The following UBAP1 variants were observed in gnomAD, a reference collection of about 807,000 sequenced individuals.
UBAP1 encodes the protein ubiquitin associated protein 1.
Under a neutral mutation model 39.0 loss-of-function variants are expected in UBAP1, and 5 were observed. The observed-to-expected ratio is 0.13, with a 90% CI of 0.07 to 0.27. The LOEUF (loss-of-function observed/expected upper bound fraction) is 0.27. UBAP1 is among the 10% of genes least tolerant of loss of function. The pLI is 1.00. For synonymous variants in UBAP1, 211 were observed against 225.1 expected, an observed-to-expected ratio of 0.94 and a Z score of 0.56; for missense variants, 490 against 608.1, an observed-to-expected ratio of 0.81 and a Z score of 2.04.
At chr9:34,212,845 T>TCCC (rs2131558393) in intron 1 of UBAP1, among the ~76,000 whole-genome samples, 2 of 152,262 alleles carry the variant, frequency 1.3e-5, no homozygotes, top group African/African-American at 4.8e-5. Flanking sequence ...CATGCCTAAT[T>TCCC]CATTGTATAA....
chr9:34,180,612 T>A (rs1829963869), intron 1 of UBAP1, among the ~76,000 whole-genome samples: 1 of 152,174 alleles, frequency 6.6e-6, no homozygotes, highest in South Asian at 2.1e-4. Flanking sequence ...GAAATTTTAT[T>A]AAATTTTTGT....
intron 1 of UBAP1, among the ~76,000 whole-genome samples, chr9:34,217,235 A>G (rs1000615995): frequency 2.0e-5 from 3 of 152,140 alleles, no homozygotes; most frequent in Middle Eastern, 3.4e-3. Flanking sequence ...GGCAGATAGC[A>G]TAGGTGATTG....
intron 1 of UBAP1, among the ~76,000 whole-genome samples, chr9:34,185,720 C>T (rs1260612638): frequency 1.3e-5 from 2 of 152,046 alleles, no homozygotes; most frequent in African/African-American, 4.8e-5. Flanking sequence ...GTGGCAGGTG[C>T]CTGTAATCCC....
chr9:34,223,537 C>T (rs1832874334), intron 2 of UBAP1, among the ~76,000 whole-genome samples: 1 of 152,196 alleles, frequency 6.6e-6, no homozygotes, highest in Admixed American at 6.5e-5. Context: ...TCACTGCAAG[C>T]TCTGCCTCCT....
At chr9:34,185,967 A>G (rs984509112) in intron 1 of UBAP1, among the ~76,000 whole-genome samples, 1 of 152,236 alleles carries the variant, frequency 6.6e-6, no homozygotes, top group Non-Finnish European at 1.5e-5. Flanking sequence ...GTGTAACTTA[A>G]CTAAGGTTAC....
intron 1 of UBAP1, among the ~76,000 whole-genome samples, chr9:34,207,546 TCTTTCAGTACAGGTTTAGTTTTC>T (rs1363119885): frequency 6.6e-6 from 1 of 152,022 alleles, no homozygotes; most frequent in Non-Finnish European, 1.5e-5. Context: ...TTCTTTTGTG[TCTTTCAGTACAGGTTTAGTTTTC>T]TCCCTTTATG....
At chr9:34,185,250 CATA>C in intron 1 of UBAP1, among the ~76,000 whole-genome samples, 1 of 152,236 alleles carries the variant, frequency 6.6e-6, no homozygotes, top group South Asian at 2.1e-4. Flanking sequence ...AAACACTTTA[CATA>C]ATCTCAGTTC....
chr9:34,217,664 T>G (rs941274877), intron 1 of UBAP1, among the ~76,000 whole-genome samples: 1 of 151,608 alleles, frequency 6.6e-6, no homozygotes, highest in East Asian at 1.9e-4. Flanking sequence ...TGAGATAAAC[T>G]TTTTTATATT....
At chr9:34,204,863 A>G (rs1381089028) in intron 1 of UBAP1, among the ~76,000 whole-genome samples, 3 of 152,124 alleles carry the variant, frequency 2.0e-5, no homozygotes, top group African/African-American at 7.2e-5. Flanking sequence ...GTCTTTATTC[A>G]GTTGCAAGAA....
At chr9:34,195,941 T>TTTG (rs1831023896) in intron 1 of UBAP1, among the ~76,000 whole-genome samples, 1 of 111,490 alleles carries the variant, frequency 9.0e-6, no homozygotes. Context: ...TTTTTTTTTT[T>TTTG]TTTTTTTTTT....
At chr9:34,236,835 A>G (rs970624899) in intron 3 of UBAP1, among the ~76,000 whole-genome samples, 1 of 152,036 alleles carries the variant, frequency 6.6e-6, no homozygotes, top group South Asian at 2.1e-4. Context: ...AAAGGGTTCA[A>G]TGACTAACCA....
intron 5 of UBAP1, 60 bp downstream of exon 5, chr9:34,250,021 C>A (rs1349952069): frequency 1.3e-6 from 2 of 1,572,100 alleles, no homozygotes; most frequent in Non-Finnish European, 1.7e-6. Flanking sequence ...GTAGTGTCCT[C>A]CCCTGTCCTA....
At chr9:34,238,430 A>G (rs1833807775) in intron 3 of UBAP1, among the ~76,000 whole-genome samples, 2 of 152,240 alleles carry the variant, frequency 1.3e-5, no homozygotes, top group Non-Finnish European at 2.9e-5. Flanking sequence ...AACATTTTAA[A>G]GAACTGCTAT....
chr9:34,196,980 T>A (rs13294120), intron 1 of UBAP1, among the ~76,000 whole-genome samples: 6,191 of 148,684 alleles, frequency 0.042, 169 homozygotes, highest in Middle Eastern at 0.076. Context: ...CAGGCTGGAG[T>A]GCAGTGACAC....
At chr9:34,190,334 G>C (rs1008895001) in intron 1 of UBAP1, among the ~76,000 whole-genome samples, 1 of 152,172 alleles carries the variant, frequency 6.6e-6, no homozygotes, top group Non-Finnish European at 1.5e-5. Flanking sequence ...CTGTCACCCA[G>C]ACTGGAGTGC....
intron 2 of UBAP1, among the ~76,000 whole-genome samples, chr9:34,221,345 C>G (rs1320231287): frequency 1.3e-5 from 2 of 151,834 alleles, no homozygotes; most frequent in East Asian, 3.9e-4. Flanking sequence ...CTGTCTAACA[C>G]GGTGAAACCC....
At chr9:34,233,345 C>T (rs776950362) in intron 2 of UBAP1, among the ~76,000 whole-genome samples, 10 of 152,032 alleles carry the variant, frequency 6.6e-5, no homozygotes, top group Non-Finnish European at 1.2e-4. Flanking sequence ...CCTTAGCCTC[C>T]TGAGTAGCTG....
At chr9:34,228,658 C>G (rs964752082) in intron 2 of UBAP1, among the ~76,000 whole-genome samples, 10 of 150,234 alleles carry the variant, frequency 6.7e-5, no homozygotes, top group Admixed American at 5.3e-4. Context: ...CCGCCTCCGC[C>G]TCCTGGGTTC....
intron 2 of UBAP1, among the ~76,000 whole-genome samples, chr9:34,221,333 T>C (rs553143395): frequency 1.4e-4 from 21 of 151,972 alleles, no homozygotes; most frequent in African/African-American, 4.8e-4. Flanking sequence ...ATCGAGACCA[T>C]CCTGTCTAAC....
Sources: gnomAD v4.1 joint callset for allele counts (sites outside exome capture counted in the v4.1 genomes callset) on GRCh38, gnomAD v4.1.1 for gene constraint, MANE v1.5 for transcripts, NCBI Gene and HGNC (gene_info 2026-07-23, HGNC 2026-07-21) for gene names.